Variants in CALN1 observed in about 807,000 individuals in gnomAD.
CALN1 encodes calneuron 1.
Under a neutral mutation model 30.6 loss-of-function variants are expected in CALN1, and 17 were observed. The ratio of observed to expected loss-of-function variants is 0.56; its 90% CI spans 0.38 to 0.83. The LOEUF (loss-of-function observed/expected upper bound fraction) is 0.83. Among genes scored for constraint, CALN1 ranks in the 40% least tolerant of loss-of-function variants. The probability of loss-of-function intolerance (pLI) is 0.00; values close to 1 mark genes in which losing one functional copy is unlikely to be tolerated. For missense variants in CALN1, 291 were observed against 354.9 expected, an observed-to-expected ratio of 0.82 and a Z score of 1.45; for synonymous variants, 156 against 131.4, an observed-to-expected ratio of 1.19 and a Z score of -1.28.
intron 6 of CALN1, among the ~76,000 whole-genome samples, chr7:71,805,448 T>C (rs1169223432): frequency 6.6e-6 from 1 of 152,086 alleles, no homozygotes; most frequent in African/African-American, 2.4e-5. Flanking sequence ...ATTTCATCAC[T>C]TGGAAGAAAT....
intron 2 of CALN1, among the ~76,000 whole-genome samples, chr7:72,391,705 T>G (rs943758445): frequency 2.6e-5 from 4 of 151,984 alleles, no homozygotes; most frequent in African/African-American, 9.7e-5. Flanking sequence ...CCTGCACAAG[T>G]TTTTTTGTTT....
chr7:72,119,242 G>A (rs1057367064), intron 3 of CALN1, among the ~76,000 whole-genome samples: 1 of 152,068 alleles, frequency 6.6e-6, no homozygotes, highest in Non-Finnish European at 1.5e-5. Context: ...ACATGGCTGG[G>A]GAGGCCTCAC....
the CALN1 span, among the ~76,000 whole-genome samples, chr7:72,503,489 A>G: frequency 6.6e-6 from 1 of 151,854 alleles, no homozygotes; most frequent in Non-Finnish European, 1.5e-5. Context: ...TTTCAGAAAT[A>G]CCTGCAGCCT....
At chr7:72,324,871 A>C (rs1351059676) in intron 2 of CALN1, among the ~76,000 whole-genome samples, 2 of 152,100 alleles carry the variant, frequency 1.3e-5, no homozygotes, top group Non-Finnish European at 2.9e-5. Flanking sequence ...GGCATGAGCC[A>C]CTGCTCTCAG....
In CALN1 at chr7:71,963,512, C is replaced by T. The variant is rs989958753; in HGVS notation, c.501+60145G>A. Among the ~76,000 whole-genome samples, 7 of 152,072 alleles carry T rather than the reference C, an allele frequency of 4.6e-5. No individual in the cohort carries two copies. In the South Asian group the frequency reaches 1.2e-3, roughly 27 times the overall value. On this transcript the variant is annotated intron_variant, in intron 5 of 6. Coordinates refer to ENST00000395275, the MANE Select transcript of CALN1 (RefSeq NM_031468.4). The stretch of plus-strand genomic sequence containing the variant: ...TAGAGACAGGGTTTTGCCATGTTGG[C>T]CAGGCTGGTCTTGAACTCCTGACCT...
In CALN1 at chr7:72,054,460, T is replaced by TATATAC. The variant is rs1450817880; in HGVS notation, c.389-30692_389-30691insGTATAT. Among the ~76,000 whole-genome samples, 79 of 78,574 alleles carry TATATAC rather than the reference T, an allele frequency of 1.0e-3. 6 individuals are homozygous for TATATAC. Among genetic ancestry groups the TATATAC allele is most frequent in the African/African-American group, 3.2e-3 (75 of 23,394 alleles). The allele number at this position is 78,574 out of a possible 152,430, so 51.5% of individuals were successfully genotyped here. On this transcript the variant is annotated intron_variant, in intron 4 of 6. Transcript: ENST00000395275. ...ATATATATATATACATATATATACA[T>TATATAC]ATATATACATATATACATACATATA...
intron 1 of CALN1, among the ~76,000 whole-genome samples, chr7:72,429,759 C>CTG (rs961424932): frequency 2.5e-5 from 3 of 119,556 alleles, no homozygotes; most frequent in African/African-American, 9.6e-5. Flanking sequence ...ATATACACAT[C>CTG]TGTATATATA....
At chr7:71,862,247 G>A (rs1015086542) in intron 5 of CALN1, among the ~76,000 whole-genome samples, 3 of 152,194 alleles carry the variant, frequency 2.0e-5, no homozygotes, top group Non-Finnish European at 2.9e-5. Context: ...AGACACTAGC[G>A]TATGCTGTTA....
At chr7:72,265,923 T>G (rs942542346) in intron 3 of CALN1, among the ~76,000 whole-genome samples, 1 of 151,934 alleles carries the variant, frequency 6.6e-6, no homozygotes, top group African/African-American at 2.4e-5. Flanking sequence ...CATTTGAGCC[T>G]AGGAGTTCCA....
chr7:71,881,909 C>CA (rs112654398), intron 5 of CALN1, among the ~76,000 whole-genome samples: 18,583 of 138,858 alleles, frequency 0.13, 1,584 homozygotes, highest in East Asian at 0.45. Flanking sequence ...CCTATATTTA[C>CA]AAAAAAAAAA....
chr7:71,845,192 C>T, intron 5 of CALN1, among the ~76,000 whole-genome samples: 1 of 152,074 alleles, frequency 6.6e-6, no homozygotes, highest in East Asian at 1.9e-4. Flanking sequence ...CAGAATGTGT[C>T]TTACTTGTTC....
Position 72,106,105 on chromosome 7 carries a change from A to T in CALN1, c.388+46T>A, listed in dbSNP as rs775252339. 3 of 1,594,508 alleles carry T rather than the reference A, an allele frequency of 1.9e-6. No individual in the cohort carries two copies. In the Admixed American group the frequency reaches 5.1e-5, roughly 27 times the overall value. On this transcript the variant is annotated intron_variant, in intron 4 of 6. Coordinates refer to ENST00000395275, the MANE Select transcript of CALN1 (RefSeq NM_031468.4). ...GCATAAACCGAAGGTCTCACTGATG[A>T]GACCGGGGCATGTCTCAGGGGAGAA...
chr7:72,061,796 C>CAAAAAAAAAAAAA (rs1161510912), intron 4 of CALN1, among the ~76,000 whole-genome samples: 4 of 85,136 alleles, frequency 4.7e-5, no homozygotes, highest in Non-Finnish European at 8.8e-5. Context: ...GACTCTGTCT[C>CAAAAAAAAAAAAA]AAAAAAAAAA....
intron 5 of CALN1, among the ~76,000 whole-genome samples, chr7:71,913,318 T>C (rs550520084): frequency 1.3e-5 from 2 of 152,294 alleles, no homozygotes; most frequent in African/African-American, 4.8e-5. Flanking sequence ...GAAAGCCTTA[T>C]AGCCACTGTT....
chr7:71,939,510 T>A (rs1584558984), intron 5 of CALN1, among the ~76,000 whole-genome samples: 1 of 150,314 alleles, frequency 6.7e-6, no homozygotes, highest in Non-Finnish European at 1.5e-5. Flanking sequence ...GAGGCAGAGG[T>A]TGCAGCAAGC....
chr7:72,153,038 G>C (rs1329537182), intron 3 of CALN1, among the ~76,000 whole-genome samples: 4 of 152,192 alleles, frequency 2.6e-5, no homozygotes, highest in Non-Finnish European at 2.9e-5. Flanking sequence ...GAACCTCAGT[G>C]TTCACACTGG....
intron 3 of CALN1, among the ~76,000 whole-genome samples, chr7:72,260,724 C>T (rs1796208527): frequency 6.6e-6 from 1 of 152,100 alleles, no homozygotes; most frequent in Non-Finnish European, 1.5e-5. Flanking sequence ...GCCCCCCACA[C>T]AGATGTAAGA....
At chr7:71,821,290 T>C (rs1788573192) in intron 5 of CALN1, among the ~76,000 whole-genome samples, 1 of 152,168 alleles carries the variant, frequency 6.6e-6, no homozygotes, top group South Asian at 2.1e-4. Flanking sequence ...GTGTGACTTT[T>C]ATCTTCATAT....
At chr7:72,025,679 C>T (rs1584770499) in intron 4 of CALN1, among the ~76,000 whole-genome samples, 1 of 152,168 alleles carries the variant, frequency 6.6e-6, no homozygotes, top group East Asian at 1.9e-4. Flanking sequence ...CTCAAAAGGG[C>T]AACTCCATCA....
Sources: gnomAD v4.1 joint callset for allele counts (sites outside exome capture counted in the v4.1 genomes callset) on GRCh38, gnomAD v4.1.1 for gene constraint, MANE v1.5 for transcripts, NCBI Gene and HGNC (gene_info 2026-07-23, HGNC 2026-07-21) for gene names.